Variants in BCO1 observed in about 807,000 individuals in gnomAD.
The protein encoded by BCO1 is beta-carotene oxygenase 1.
Under a neutral mutation model 56.3 loss-of-function variants are expected in BCO1, and 54 were observed. That is an observed-to-expected ratio of 0.96 (90% CI 0.77 to 1.20). The LOEUF (loss-of-function observed/expected upper bound fraction) is 1.20. Among genes scored for constraint, BCO1 ranks in the 50% most tolerant of loss-of-function variants. BCO1 has a pLI of 0.00. For missense variants in BCO1, 801 were observed against 690.9 expected (o/e 1.16, Z -1.79); for synonymous variants, 318 against 266.1 (o/e 1.20, Z -1.90).
At position 81,283,300 on chromosome 16, in the gene BCO1, C is replaced by T. The variant is rs578189016; in HGVS notation, c.1208-2240C>T. ...TAATTTCATGTAACTACTGGCCAGG[C>T]GCAATGGCAATTACAGGCATTACTC... On this transcript the variant is annotated intron_variant, in intron 8 of 10. Transcript: ENST00000258168. Among the ~76,000 whole-genome samples, 21 of 151,800 alleles carry T rather than the reference C, an allele frequency of 1.4e-4. No individual in the cohort carries two copies. In the South Asian group the frequency reaches 3.8e-3, roughly 27 times the overall value.
At chr16:81,257,526 A>G (rs990476988) in intron 2 of BCO1, among the ~76,000 whole-genome samples, 7 of 151,144 alleles carry the variant, frequency 4.6e-5, no homozygotes, top group African/African-American at 1.7e-4. Flanking sequence ...TGGCCTCCCA[A>G]AGTGCTGGGA....
chr16:81,264,626 G>C lies in BCO1; in HGVS notation c.472-14G>C. 2 of 1,613,776 alleles carry C rather than the reference G, an allele frequency of 1.2e-6. No homozygotes were observed. The highest frequency in any genetic ancestry group is 1.7e-6 in the Non-Finnish European group (2 of 1,179,640). ...GTAAATACTTTAAAAAACAGGAGGT[G>C]TCATATCTTGCAGGTTGATTATCGT... On this transcript the variant is annotated splice_polypyrimidine_tract_variant and intron_variant, in intron 4 of 10. Transcript: ENST00000258168.
rs761703330 is a variant in BCO1, at chr16:81,270,199, T to C, written c.884T>C (p.Val295Ala). ...HIIDQRTRQP[V>A]QTKFYTDAMV... ...ATCGACCAAAGGACCAGGCAGCCTG[T>C]GCAGACCAAGTTTTACACAGACGCC... The change falls in exon 7 of 11, where the codon GTG becomes GCG. Residue 295 changes from valine to alanine, a missense_variant. Physicochemically the swap from Val to Ala is moderately conservative, Grantham distance 64 (BLOSUM62 0). Coordinates refer to ENST00000258168, the MANE Select transcript of BCO1 (RefSeq NM_017429.3). The C allele has an allele frequency of 1.5e-5, 25 of 1,614,074 alleles. No individual in the cohort carries two copies. The South Asian group carries it at 2.7e-4, about 18-fold the overall frequency.
chr16:81,260,119 A>T (rs561005612), intron 3 of BCO1, among the ~76,000 whole-genome samples: 1 of 152,354 alleles, frequency 6.6e-6, no homozygotes, highest in Admixed American at 6.5e-5. Flanking sequence ...CACATGCACC[A>T]GGTATTTGTC....
intron 2 of BCO1, among the ~76,000 whole-genome samples, chr16:81,255,490 G>A (rs1041177706): frequency 3.3e-5 from 5 of 151,394 alleles, no homozygotes; most frequent in African/African-American, 1.2e-4. Context: ...ATGACATTAT[G>A]TTATTTTTTT....
intron 1 of BCO1, among the ~76,000 whole-genome samples, chr16:81,241,207 AG>A (rs778245714): frequency 8.6e-5 from 13 of 151,882 alleles, no homozygotes; most frequent in Middle Eastern, 3.4e-3. Context: ...CCAGCTCCTC[AG>A]GAGACTGGGC....
chr16:81,249,939 C>T (rs1329348638), intron 2 of BCO1, among the ~76,000 whole-genome samples: 4 of 152,158 alleles, frequency 2.6e-5, no homozygotes, highest in Admixed American at 1.3e-4. Context: ...GGGCCTGGCC[C>T]AGAGGGGCGC....
rs138927688 is a variant in BCO1 at position 81,238,868 on chromosome 16, C to T, written c.-41C>T. ...ATCTCCTGTGAACACAGAGGAGCAC[C>T]TGTTTGCTGTTAAAATCGATCTCCC... is the stretch of plus-strand genomic sequence containing the variant. On this transcript the variant is annotated 5_prime_UTR_variant, in exon 1 of 11. Coordinates refer to ENST00000258168, the MANE Select transcript of BCO1 (RefSeq NM_017429.3). 1.3e-6 allele frequency: 2 copies of T among 1,575,742 alleles called. No individual in the cohort carries two copies. The highest frequency in any genetic ancestry group is 1.7e-6 in the Non-Finnish European group (2 of 1,145,300).
At chr16:81,271,515 C>T (rs993864978) in intron 7 of BCO1, among the ~76,000 whole-genome samples, 9 of 152,180 alleles carry the variant, frequency 5.9e-5, no homozygotes, top group Non-Finnish European at 1.3e-4. Context: ...ACCTCCAAAA[C>T]ACACCCCACA....
chr16:81,257,657 C>T (rs1307600430), intron 2 of BCO1, among the ~76,000 whole-genome samples: 2 of 151,788 alleles, frequency 1.3e-5, no homozygotes, highest in Non-Finnish European at 2.9e-5. Context: ...AGGTGGGTCT[C>T]CTGTGGTCAG....
At chr16:81,288,176 C>G (rs1367356308) in intron 10 of BCO1, among the ~76,000 whole-genome samples, 1 of 151,024 alleles carries the variant, frequency 6.6e-6, no homozygotes, top group Non-Finnish European at 1.5e-5. Flanking sequence ...TTTTACCGCA[C>G]AAAGTCCATC....
intron 6 of BCO1, 137 bp downstream of exon 6, chr16:81,268,268 C>T (rs1402747870): frequency 2.5e-6 from 2 of 813,230 alleles, no homozygotes; most frequent in East Asian, 2.6e-5. Context: ...ACCCACCTTC[C>T]AGCAAGTTCT....
chr16:81,260,890 T>C (rs1033637190), intron 3 of BCO1, among the ~76,000 whole-genome samples: 3 of 152,346 alleles, frequency 2.0e-5, no homozygotes, highest in Non-Finnish European at 4.4e-5. Flanking sequence ...GGCCAGGGAA[T>C]CAGGCCTGCC....
intron 1 of BCO1, among the ~76,000 whole-genome samples, chr16:81,244,252 T>A (rs1046799321): frequency 6.6e-6 from 1 of 152,254 alleles, no homozygotes; most frequent in Non-Finnish European, 1.5e-5. Flanking sequence ...AGAGCAGGGC[T>A]GTCCCCTAGA....
At chr16:81,251,575 G>T (rs548582686) in intron 2 of BCO1, among the ~76,000 whole-genome samples, 1 of 151,812 alleles carries the variant, frequency 6.6e-6, no homozygotes, top group Non-Finnish European at 1.5e-5. Context: ...AATTAAAAAA[G>T]AAAAACATGT....
intron 2 of BCO1, among the ~76,000 whole-genome samples, chr16:81,248,311 G>A (rs900875967): frequency 2.7e-5 from 4 of 149,014 alleles, no homozygotes; most frequent in Non-Finnish European, 4.4e-5. Flanking sequence ...GCTGAGACAG[G>A]AGAATCGCTT....
intron 7 of BCO1, among the ~76,000 whole-genome samples, chr16:81,271,880 G>A (rs982307904): frequency 4.6e-5 from 7 of 151,846 alleles, no homozygotes; most frequent in African/African-American, 1.7e-4. Flanking sequence ...CTCCTGAGTA[G>A]CTGGGATTAC....
chr16:81,262,633 GC>G (rs200760545), intron 4 of BCO1: 3,464 of 343,786 alleles, frequency 0.01, 106 homozygotes, highest in African/African-American at 0.068. Context: ...TTTGAGACCA[GC>G]CTGGCCAACA....
At chr16:81,260,652 G>A (rs994650584) in intron 3 of BCO1, among the ~76,000 whole-genome samples, 2 of 152,094 alleles carry the variant, frequency 1.3e-5, no homozygotes, top group Non-Finnish European at 2.9e-5. Flanking sequence ...GGGATTACAG[G>A]CACCCACCAC....
Sources: gnomAD v4.1 joint callset for allele counts (sites outside exome capture counted in the v4.1 genomes callset) on GRCh38, gnomAD v4.1.1 for gene constraint, MANE v1.5 for transcripts, NCBI Gene and HGNC (gene_info 2026-07-23, HGNC 2026-07-21) for gene names.